SSUH2: variants seen among roughly 807,000 people sequenced by gnomAD.
SSUH2 encodes ssu-2 homolog.
Under a neutral mutation model 55.3 loss-of-function variants are expected in SSUH2, and 47 were observed. That is an observed-to-expected ratio of 0.85 (90% CI 0.67 to 1.08). The LOEUF (loss-of-function observed/expected upper bound fraction) is 1.08, where lower values mean the gene tolerates loss of function less well. SSUH2 is among the 50% of genes least tolerant of loss of function. The pLI is 0.00. For missense variants in SSUH2, 535 were observed against 490.7 expected, an observed-to-expected ratio of 1.09 and a Z score of -0.85; for synonymous variants, 212 against 191.5, an observed-to-expected ratio of 1.11 and a Z score of -0.89.
intron 5 of SSUH2, among the ~76,000 whole-genome samples, chr3:8,666,739 C>T (rs1704029456): frequency 6.6e-6 from 1 of 152,208 alleles, no homozygotes; most frequent in Admixed American, 6.5e-5. Flanking sequence ...TCAGATCCCA[C>T]AGGTTGAATA....
intron 7 of SSUH2, among the ~76,000 whole-genome samples, chr3:8,657,205 C>A (rs1013818443): frequency 1.3e-5 from 2 of 152,166 alleles, no homozygotes; most frequent in African/African-American, 2.4e-5. Context: ...ATAATTACCT[C>A]CTTTCTTAGC....
At chr3:8,656,504 G>A (rs1287993509) in intron 7 of SSUH2, among the ~76,000 whole-genome samples, 1 of 152,164 alleles carries the variant, frequency 6.6e-6, no homozygotes, top group Admixed American at 6.5e-5. Context: ...CACTGACTGT[G>A]ACCCAGGGAC....
chr3:8,631,854 C>A (rs1487337001), intron 5 of SSUH2, among the ~76,000 whole-genome samples, 195 bp downstream of exon 5: 1 of 151,806 alleles, frequency 6.6e-6, no homozygotes. Context: ...GGGCAGGAAG[C>A]ATTTCCTAAG....
At chr3:8,635,433 A>G in intron 2 of SSUH2, 52 bp from the exon 3 acceptor site, 1 of 1,306,870 alleles carries the variant, frequency 7.7e-7, no homozygotes. Context: ...AGGAACAAAT[A>G]TTTGTGTGGT....
At chr3:8,623,354 TC>T in intron 11 of SSUH2, 194 bp downstream of exon 11, 1 of 508,676 alleles carries the variant, frequency 2.0e-6, no homozygotes, top group Non-Finnish European at 3.5e-6. Context: ...CCACGGTCCT[TC>T]CTGCCTCTGC....
At chr3:8,625,148 T>C (rs28607378) in intron 10 of SSUH2, among the ~76,000 whole-genome samples, 7,550 of 151,858 alleles carry the variant, frequency 0.05, 488 homozygotes, top group East Asian at 0.19. Flanking sequence ...TTATTTGCCA[T>C]GGTCTACCCA....
At chr3:8,642,373 A>C (rs1700997093) in intron 1 of SSUH2, among the ~76,000 whole-genome samples, 1 of 152,250 alleles carries the variant, frequency 6.6e-6, no homozygotes, top group South Asian at 2.1e-4. Context: ...GGGAACAGAC[A>C]TTCTGAGTAG....
At chr3:8,675,569 C>A (rs2131623) in intron 3 of SSUH2, among the ~76,000 whole-genome samples, 8 of 152,252 alleles carry the variant, frequency 5.3e-5, no homozygotes, top group South Asian at 4.1e-4. Flanking sequence ...TTTACTATCC[C>A]ACAGGGGTCG....
At chr3:8,649,096 C>T (rs73015939), upstream of SSUH2, among the ~76,000 whole-genome samples, 10,277 of 152,168 alleles carry the variant, frequency 0.068, 484 homozygotes, top group Middle Eastern at 0.14. Flanking sequence ...CTGACTGCAG[C>T]GCAACTCAAC....
At chr3:8,632,399 C>T (rs1017294012) in intron 4 of SSUH2, among the ~76,000 whole-genome samples, 1 of 152,204 alleles carries the variant, frequency 6.6e-6, no homozygotes, top group Non-Finnish European at 1.5e-5. Context: ...AGCTTCAGAG[C>T]AGTAGCTGTC....
chr3:8,658,846 C>T (rs1703198482), intron 7 of SSUH2: 1 of 125,232 alleles, frequency 8.0e-6, no homozygotes, highest in Admixed American at 9.0e-5. Context: ...ATGTCACATT[C>T]CCCCAAACAA....
Position 8,635,978 on chromosome 3 carries a change from C to T in SSUH2, c.29-121G>A, listed in dbSNP as rs144091065. 2.4e-3 allele frequency: 1,831 copies of T among 767,962 alleles called. 15 individuals are homozygous for T. The highest frequency in any genetic ancestry group is 8.5e-3 in the South Asian group (451 of 53,268). 47.6% of individuals were successfully genotyped at this position (767,962 alleles called of 1,614,324 possible). A position where few individuals can be genotyped will look rare whatever the true frequency, so the allele number is the denominator to read the frequency against. Reference sequence around the variant, plus strand: ...AAAAGCCTCACGTTTAAGCCAGCCTCACTCTGGCATCCTTAGGACACAGAA... The same window carrying T: ...AAAAGCCTCACGTTTAAGCCAGCCTTACTCTGGCATCCTTAGGACACAGAA... On this transcript the variant is annotated intron_variant, in intron 1 of 11. Transcript: ENST00000544814.
chr3:8,680,718 T>A lies in SSUH2; in HGVS notation c.-1045-869A>T, dbSNP rs368109243. Among the ~76,000 whole-genome samples the A allele has an allele frequency of 4.1e-3, 626 of 152,070 alleles. 2 individuals are homozygous for A. The highest frequency in any genetic ancestry group is 0.013 in the African/African-American group (539 of 41,480). On this transcript the variant is annotated intron_variant, in intron 1 of 18. Coordinates refer to the SSUH2 transcript ENST00000317371. Reference sequence around the variant, plus strand: ...AGTCATATCACCCCCTCCGCCTTGGTATATTATGAAGGAGCATCTCACACA... The same window carrying A: ...AGTCATATCACCCCCTCCGCCTTGGAATATTATGAAGGAGCATCTCACACA...
intron 2 of SSUH2, among the ~76,000 whole-genome samples, chr3:8,678,859 CCCCAGCCTGGCTCTTAG>C (rs1705674077): frequency 8.8e-6 from 1 of 113,600 alleles, no homozygotes; most frequent in African/African-American, 3.0e-5. Flanking sequence ...ATCCCTCTTC[CCCCAGCCTGGCTCTTAG>C]GATCCCCATT....
chr3:8,637,132 G>A (rs553039295), intron 1 of SSUH2, among the ~76,000 whole-genome samples: 8 of 152,250 alleles, frequency 5.3e-5, no homozygotes, highest in African/African-American at 1.4e-4. Flanking sequence ...CTCTCGTGAC[G>A]CCAGGCAGCG....
chr3:8,633,774 C>T lies in SSUH2; in HGVS notation c.231G>A (p.Glu77=). The change falls in exon 4 of 12, where the codon GAG becomes GAA. Residue 77 remains glutamate, a synonymous_variant. Coordinates refer to ENST00000544814, the MANE Select transcript of SSUH2 (RefSeq NM_001256748.3). The stretch of plus-strand genomic sequence containing the variant: ...AGCTGAGGAGGGCTTCCCGGGCCAC[C>T]TCCTCCGTCATCGCAGGGACTCTGC... The part of the protein sequence containing the change: ...LEHRVPAMTE[E]VAREALLSFV... The T allele has an allele frequency of 6.2e-7, 1 of 1,612,034 alleles. No homozygotes were observed. Among genetic ancestry groups the T allele is most frequent in the Non-Finnish European group, 8.5e-7 (1 of 1,178,794 alleles).
intron 1 of SSUH2, chr3:8,640,104 G>A: frequency 3.1e-6 from 2 of 649,832 alleles, no homozygotes; most frequent in South Asian, 6.9e-5. Context: ...TTATTTAATA[G>A]AGACAGAATT....
At chr3:8,670,003 T>C (rs1401475064) in intron 5 of SSUH2, among the ~76,000 whole-genome samples, 3 of 152,204 alleles carry the variant, frequency 2.0e-5, no homozygotes, top group Non-Finnish European at 4.4e-5. Context: ...TTTCTTGTTT[T>C]TGATCCGCTC....
At chr3:8,638,496 G>A (rs971118925) in intron 1 of SSUH2, among the ~76,000 whole-genome samples, 4 of 152,138 alleles carry the variant, frequency 2.6e-5, no homozygotes, top group South Asian at 4.1e-4. Flanking sequence ...CATTTTGACC[G>A]GAGTCAGAAA....
Sources: allele counts gnomAD v4.1 joint callset (sites outside exome capture counted in the v4.1 genomes callset), GRCh38; gene constraint gnomAD v4.1.1; transcripts MANE v1.5; gene names NCBI Gene and HGNC (gene_info 2026-07-23, HGNC 2026-07-21).